STXBP5L: variants seen among roughly 807,000 people sequenced by gnomAD.
STXBP5L encodes syntaxin-binding protein 5-like.
In STXBP5L, 65 loss-of-function variants were observed where a neutral mutation model predicts 144.5. The observed-to-expected ratio is 0.45, with a 90% CI of 0.37 to 0.55. The LOEUF is 0.55. Ranked by LOEUF, STXBP5L falls within the 20% of genes least tolerant of loss-of-function variation. STXBP5L has a pLI of 0.00. For missense variants in STXBP5L, 1,298 were observed against 1,405.5 expected (o/e 0.92, Z 1.22); for synonymous variants, 505 against 469.6 (o/e 1.08, Z -0.97).
At chr3:121,023,890 G>A (rs1436865719) in intron 3 of STXBP5L, among the ~76,000 whole-genome samples, 4 of 151,870 alleles carry the variant, frequency 2.6e-5, no homozygotes, top group Non-Finnish European at 4.4e-5. Context: ...CAAGTAGCTG[G>A]GACTACAGGT....
intron 5 of STXBP5L, among the ~76,000 whole-genome samples, chr3:121,105,421 A>AATAAATAAATAAAT (rs2043651341): frequency 1.3e-5 from 2 of 152,024 alleles, no homozygotes; most frequent in South Asian, 2.1e-4. Flanking sequence ...TAAATAAATA[A>AATAAATAAATAAAT]AAAGATGTAC....
Position 121,209,386 on chromosome 3 carries a change from C to G in STXBP5L, c.956+3385C>G, listed in dbSNP as rs1379220492. Among the ~76,000 whole-genome samples, 4 of 152,174 alleles carry G rather than the reference C, an allele frequency of 2.6e-5. No homozygotes were observed. In the South Asian group the frequency reaches 6.2e-4, roughly 24 times the overall value. ...TGGTGGAACTAATTTACACTCCCAACAACACTGTAAAAGCATTCCTATTTT... is the reference window on the plus strand; with the variant it reads ...TGGTGGAACTAATTTACACTCCCAAGAACACTGTAAAAGCATTCCTATTTT... On this transcript the variant is annotated intron_variant, in intron 10 of 26. Transcript: ENST00000471454.
chr3:121,290,063 A>G (rs2051371591), intron 19 of STXBP5L, among the ~76,000 whole-genome samples: 1 of 152,198 alleles, frequency 6.6e-6, no homozygotes. Flanking sequence ...TCAGAGCAGA[A>G]CTAAATGAAA....
At chr3:121,310,094 A>G (rs2043474235) in intron 19 of STXBP5L, among the ~76,000 whole-genome samples, 1 of 152,230 alleles carries the variant, frequency 6.6e-6, no homozygotes, top group South Asian at 2.1e-4. Context: ...TTAACAAATA[A>G]TGGTGGAACA....
chr3:121,200,940 T>G (rs1365347597), intron 9 of STXBP5L, among the ~76,000 whole-genome samples: 1 of 152,238 alleles, frequency 6.6e-6, no homozygotes, highest in Non-Finnish European at 1.5e-5. Flanking sequence ...TATGTGGCAC[T>G]GAGAAGAATG....
At chr3:121,317,116 G>A (rs1301279389) in intron 19 of STXBP5L, among the ~76,000 whole-genome samples, 1 of 152,006 alleles carries the variant, frequency 6.6e-6, no homozygotes, top group Non-Finnish European at 1.5e-5. Context: ...CAGATTAATG[G>A]TAATATTTAT....
At chr3:121,312,977 A>G (rs975779619) in intron 19 of STXBP5L, among the ~76,000 whole-genome samples, 1 of 152,148 alleles carries the variant, frequency 6.6e-6, no homozygotes, top group Non-Finnish European at 1.5e-5. Flanking sequence ...GCCGCTGGGC[A>G]CACCTCCCAG....
intron 20 of STXBP5L, among the ~76,000 whole-genome samples, chr3:121,353,778 G>A (rs1026574956): frequency 4.6e-5 from 7 of 152,120 alleles, no homozygotes; most frequent in South Asian, 4.1e-4. Flanking sequence ...TGATGTTAGG[G>A]TGTCAATTTT....
intron 9 of STXBP5L, among the ~76,000 whole-genome samples, chr3:121,177,116 T>TCAGAA (rs1471838601): frequency 1.3e-5 from 2 of 151,940 alleles, no homozygotes; most frequent in Non-Finnish European, 2.9e-5. Flanking sequence ...ATGGGTGGCA[T>TCAGAA]CAGAATTCTC....
intron 3 of STXBP5L, among the ~76,000 whole-genome samples, chr3:120,966,950 C>G (rs527569011): frequency 3.9e-5 from 6 of 152,256 alleles, no homozygotes; most frequent in African/African-American, 1.4e-4. Flanking sequence ...GCAGTGGGCT[C>G]TGCCCAATTC....
chr3:121,083,689 A>T (rs1196707529), intron 5 of STXBP5L, among the ~76,000 whole-genome samples: 1 of 151,986 alleles, frequency 6.6e-6, no homozygotes, highest in African/African-American at 2.4e-5. Context: ...GGTGTCAATT[A>T]TTCTTTAAGT....
chr3:121,292,461 T>A (rs2051477398), intron 19 of STXBP5L, among the ~76,000 whole-genome samples: 1 of 152,190 alleles, frequency 6.6e-6, no homozygotes, highest in Non-Finnish European at 1.5e-5. Flanking sequence ...CTACTACAAC[T>A]ACTATGGAAA....
At chr3:121,034,593 T>C (rs2107523381) in intron 3 of STXBP5L, among the ~76,000 whole-genome samples, 1 of 152,208 alleles carries the variant, frequency 6.6e-6, no homozygotes, top group Middle Eastern at 3.4e-3. Context: ...TGTATCTATC[T>C]AGCTCACATT....
intron 19 of STXBP5L, among the ~76,000 whole-genome samples, chr3:121,296,153 G>T (rs1236069747): frequency 6.6e-6 from 1 of 152,144 alleles, no homozygotes; most frequent in African/African-American, 2.4e-5. Flanking sequence ...AAACCTTCAA[G>T]TTTAGTAGCC....
intron 9 of STXBP5L, among the ~76,000 whole-genome samples, chr3:121,161,665 A>T (rs1014944452): frequency 3.3e-5 from 5 of 151,896 alleles, no homozygotes; most frequent in African/African-American, 1.2e-4. Flanking sequence ...GCAAACATCG[A>T]TTTTTCCTAT....
chr3:121,381,168 A>T, intron 21 of STXBP5L, 125 bp from the exon 22 acceptor site: 1 of 928,580 alleles, frequency 1.1e-6, no homozygotes. Flanking sequence ...GCTCCCTCTC[A>T]GGTCAATTAA....
intron 14 of STXBP5L, among the ~76,000 whole-genome samples, chr3:121,248,522 T>C (rs931556310): frequency 1.3e-5 from 2 of 152,194 alleles, no homozygotes; most frequent in African/African-American, 4.8e-5. Flanking sequence ...TTCAAGTTCC[T>C]CATGGATTCT....
In STXBP5L at chr3:121,419,958, A is replaced by G. The variant is rs1259107072; in HGVS notation, c.*861A>G. The stretch of plus-strand genomic sequence containing the variant: ...ATCTATAGGAACAATAGAGTTAGCT[A>G]TGAGAACTGACTTCACAAAAAGGGA... On this transcript the variant is annotated 3_prime_UTR_variant, in exon 27 of 27. Coordinates refer to ENST00000471454, the MANE Select transcript of STXBP5L (RefSeq NM_001308330.2). 6.6e-6 allele frequency: 1 copy of G among 152,204 alleles called. No homozygotes were observed. Among genetic ancestry groups the G allele is most frequent in the African/African-American group, 2.4e-5 (1 of 41,450 alleles). The allele number at this position is 152,204 out of a possible 1,614,324, so 9.4% of individuals were successfully genotyped here.
intron 3 of STXBP5L, among the ~76,000 whole-genome samples, chr3:120,956,556 A>G (rs527986423): frequency 6.6e-5 from 10 of 151,882 alleles, no homozygotes; most frequent in Non-Finnish European, 1.3e-4. Flanking sequence ...TATATATCAC[A>G]TTTTGATATC....
Sources: allele counts gnomAD v4.1 joint callset (sites outside exome capture counted in the v4.1 genomes callset), GRCh38; gene constraint gnomAD v4.1.1; transcripts MANE v1.5; gene names NCBI Gene and HGNC (gene_info 2026-07-23, HGNC 2026-07-21).